Variants in GPATCH2 observed in about 807,000 individuals in gnomAD.
GPATCH2 encodes G-patch domain containing 2.
GPATCH2 carries 51 observed loss-of-function variants against 58.0 expected under a neutral mutation model. That is an observed-to-expected ratio of 0.88 (90% confidence interval 0.70 to 1.11). The LOEUF (loss-of-function observed/expected upper bound fraction) is 1.11. GPATCH2 is among the 50% of genes most tolerant of loss of function. The probability of loss-of-function intolerance (pLI) is 0.00; values close to 1 mark genes in which losing one functional copy is unlikely to be tolerated. For missense variants in GPATCH2, 625 were observed against 652.2 expected, an observed-to-expected ratio of 0.96 and a Z score of 0.45; for synonymous variants, 222 against 218.5, an observed-to-expected ratio of 1.02 and a Z score of -0.14.
chr1:217,599,393 G>T (rs1204805286), intron 5 of GPATCH2, among the ~76,000 whole-genome samples: 2 of 152,134 alleles, frequency 1.3e-5, no homozygotes, highest in East Asian at 1.9e-4. Flanking sequence ...CTACACCAGG[G>T]TAGTGACAGA....
Position 217,431,180 on chromosome 1 carries a change from C to G in GPATCH2, c.1552G>C (p.Ala518Pro), listed in dbSNP as rs150141050. The G allele has an allele frequency of 6.3e-7, 1 of 1,596,024 alleles. No individual in the cohort carries two copies. Residue 518 changes from alanine (A) to proline (P), a missense_variant, in exon 10 of 10, where the codon GCA becomes CCA. Physicochemically the swap from Ala to Pro is conservative, Grantham distance 27 (BLOSUM62 -1). Coordinates refer to ENST00000366935, the MANE Select transcript of GPATCH2 (RefSeq NM_018040.5). ...TTTCCTGCATTGGGGGTAGTAGTTG[C>G]GGAAGTACTTTTTGGTAGAGGAAAT... ...LGFPLPKSTS[A>P]TTTPNAGKSA
chr1:217,486,909 C>T (rs1172241730), intron 8 of GPATCH2, among the ~76,000 whole-genome samples: 5 of 152,178 alleles, frequency 3.3e-5, no homozygotes, highest in Admixed American at 3.3e-4. Context: ...TAATCTTTCA[C>T]CTAGTTCCAT....
At chr1:217,616,166 T>C (rs1012622567) in intron 2 of GPATCH2, among the ~76,000 whole-genome samples, 5 of 152,186 alleles carry the variant, frequency 3.3e-5, no homozygotes, top group African/African-American at 1.2e-4. Context: ...GTGATTTACA[T>C]GAACTCTCTG....
intron 6 of GPATCH2, among the ~76,000 whole-genome samples, chr1:217,504,222 A>G (rs1435798699): frequency 4.6e-5 from 7 of 152,172 alleles, no homozygotes; most frequent in Non-Finnish European, 7.3e-5. Flanking sequence ...ATAATCTGAA[A>G]GGGACAATGA....
intron 5 of GPATCH2, among the ~76,000 whole-genome samples, chr1:217,524,212 TTCTC>T (rs1663680676): frequency 1.6e-5 from 1 of 63,538 alleles, no homozygotes; most frequent in Admixed American, 1.4e-4. Context: ...GGCTCCTCAC[TTCTC>T]AGACAGGGCG....
Position 217,513,748 on chromosome 1 carries a change from G to T in GPATCH2, c.1166+1074C>A, listed in dbSNP as rs541382406. 2.0e-5 allele frequency among the ~76,000 whole-genome samples: 3 copies of T among 151,776 alleles called. No individual in the cohort carries two copies. The East Asian group carries it at 5.8e-4, about 29-fold the overall frequency. ...TGTTGCAAAATGGAAATATATTCTG[G>T]TTGTTTCATGGGTCTTTATATTATT... On this transcript the variant is annotated intron_variant, in intron 6 of 9. Coordinates refer to ENST00000366935, the MANE Select transcript of GPATCH2 (RefSeq NM_018040.5).
chr1:217,620,267 C>G lies in GPATCH2; in HGVS notation c.289G>C (p.Glu97Gln). 1 of 1,613,944 alleles carries G rather than the reference C, an allele frequency of 6.2e-7. No homozygotes were observed. The highest frequency in any genetic ancestry group is 1.1e-5 in the South Asian group (1 of 91,070). The change falls in exon 2 of 10, where the codon GAA (glutamate) becomes CAA (glutamine). Residue 97 changes from glutamate (E) to glutamine (Q), a missense_variant. Transcript: ENST00000366935. ...CLSEGSDSSL[E>Q]EPSKDYRENH... Reference sequence around the variant, plus strand: ...TCTCTATAGTCCTTGCTTGGTTCTTCTAAACTAGAATCAGAGCCTTCACTT... The same window carrying G: ...TCTCTATAGTCCTTGCTTGGTTCTTGTAAACTAGAATCAGAGCCTTCACTT...
At chr1:217,556,020 G>A (rs1665601190) in intron 5 of GPATCH2, among the ~76,000 whole-genome samples, 1 of 152,046 alleles carries the variant, frequency 6.6e-6, no homozygotes, top group African/African-American at 2.4e-5. Flanking sequence ...TCTTAATACT[G>A]AAAAGAGGTT....
At chr1:217,561,793 A>G (rs1665937459) in intron 5 of GPATCH2, among the ~76,000 whole-genome samples, 1 of 152,140 alleles carries the variant, frequency 6.6e-6, no homozygotes, top group African/African-American at 2.4e-5. Flanking sequence ...CATGGGGTAC[A>G]CAGCTCACAG....
intron 5 of GPATCH2, among the ~76,000 whole-genome samples, chr1:217,600,961 AAAACAAAACAGTAAAATAAGCCAT>A (rs1198817966): frequency 1.3e-5 from 2 of 152,174 alleles, no homozygotes; most frequent in African/African-American, 4.8e-5. Flanking sequence ...ATATATCTCG[AAAACAAAACAGTAAAATAAGCCAT>A]TTCTTTACTA....
chr1:217,444,546 C>G (rs1195303938), intron 9 of GPATCH2, among the ~76,000 whole-genome samples: 3 of 152,164 alleles, frequency 2.0e-5, no homozygotes, highest in Non-Finnish European at 2.9e-5. Context: ...TCTTTTCTAT[C>G]TAACACGTGT....
At chr1:217,582,564 A>G (rs1445361604) in intron 5 of GPATCH2, among the ~76,000 whole-genome samples, 1 of 152,174 alleles carries the variant, frequency 6.6e-6, no homozygotes, top group African/African-American at 2.4e-5. Flanking sequence ...GCAACACCAC[A>G]ATTTTACTTT....
chr1:217,511,570 C>T (rs1298980803), intron 6 of GPATCH2, among the ~76,000 whole-genome samples: 2 of 152,102 alleles, frequency 1.3e-5, no homozygotes, highest in Non-Finnish European at 2.9e-5. Flanking sequence ...AGAAGGGTAA[C>T]AGGCAGTATA....
chr1:217,485,626 T>A (rs1661420367), intron 8 of GPATCH2, among the ~76,000 whole-genome samples: 1 of 152,174 alleles, frequency 6.6e-6, no homozygotes, highest in Admixed American at 6.6e-5. Context: ...GATCTGTTTT[T>A]CTATCTTCAT....
At chr1:217,617,847 T>C (rs1297963772) in intron 2 of GPATCH2, among the ~76,000 whole-genome samples, 1 of 152,148 alleles carries the variant, frequency 6.6e-6, no homozygotes, top group Non-Finnish European at 1.5e-5. Context: ...AGCCTGTTCA[T>C]GCCTAGTAGA....
chr1:217,604,344 C>CA (rs199867558), intron 5 of GPATCH2, among the ~76,000 whole-genome samples: 6,028 of 102,338 alleles, frequency 0.059, 183 homozygotes, highest in Middle Eastern at 0.15. Flanking sequence ...GACTCCATCT[C>CA]AAAAAAAAAA....
intron 5 of GPATCH2, among the ~76,000 whole-genome samples, chr1:217,592,641 A>G (rs1030731360): frequency 3.3e-5 from 5 of 151,986 alleles, no homozygotes; most frequent in African/African-American, 1.2e-4. Context: ...TGTAGTGTTC[A>G]TGGAAAACCA....
At chr1:217,515,808 A>C (rs1663112381) in intron 5 of GPATCH2, among the ~76,000 whole-genome samples, 1 of 151,812 alleles carries the variant, frequency 6.6e-6, no homozygotes, top group Admixed American at 6.6e-5. Context: ...ATAAAAAAAA[A>C]AGTTTAATTA....
At chr1:217,481,064 TAGAA>T (rs537236089) in intron 8 of GPATCH2, among the ~76,000 whole-genome samples, 127 of 151,848 alleles carry the variant, frequency 8.4e-4, no homozygotes, top group African/African-American at 2.9e-3. Flanking sequence ...ACAAAACAAA[TAGAA>T]AGAAAGAATA....
Sources: gnomAD v4.1 joint callset for allele counts (sites outside exome capture counted in the v4.1 genomes callset) on GRCh38, gnomAD v4.1.1 for gene constraint, MANE v1.5 for transcripts, NCBI Gene and HGNC (gene_info 2026-07-23, HGNC 2026-07-21) for gene names.